The following CASK variants were observed in gnomAD, a reference collection of about 807,000 sequenced individuals.
CASK encodes peripheral plasma membrane protein CASK.
In CASK, 4 loss-of-function variants were observed where a neutral mutation model predicts 82.9. That is an observed-to-expected ratio of 0.05 (90% CI 0.02 to 0.11). The LOEUF is 0.11. CASK is among the 10% of genes least tolerant of loss of function. The pLI is 1.00. For synonymous variants in CASK, 259 were observed against 253.5 expected (o/e 1.02, Z -0.20); for missense variants, 358 against 720.9 (o/e 0.50, Z 5.76).
chrX:41,676,165 T>G (rs949656011), intron 5 of CASK: 1 of 1,145,881 alleles, frequency 8.7e-7, no homozygotes, highest in Admixed American at 2.2e-5. Context: ...TCTCTGCTTG[T>G]GAAGCACTGG....
At chrX:41,888,763 G>GTA (rs2072102142) in intron 1 of CASK, among the ~76,000 whole-genome samples, 2 of 93,154 alleles carry the variant, frequency 2.1e-5, no homozygotes, top group East Asian at 3.0e-4. Flanking sequence ...ATATGTATGT[G>GTA]TATATATGTA....
intron 1 of CASK, among the ~76,000 whole-genome samples, chrX:41,887,043 T>G (rs1361725481): frequency 9.0e-6 from 1 of 110,939 alleles, no homozygotes; most frequent in Non-Finnish European, 1.9e-5. Context: ...TACAAATTTA[T>G]CTGTAAAGAG....
chrX:41,740,445 T>A (rs1210529052), intron 4 of CASK, among the ~76,000 whole-genome samples: 2 of 108,825 alleles, frequency 1.8e-5, no homozygotes, highest in Non-Finnish European at 3.8e-5. Context: ...CAAGTGACCT[T>A]GAACATGTGT....
At chrX:41,631,534 C>A (rs62587034) in intron 9 of CASK, among the ~76,000 whole-genome samples, 46 of 111,122 alleles carry the variant, frequency 4.1e-4, no homozygotes, top group Non-Finnish European at 7.8e-4. Flanking sequence ...AATGGTGCAA[C>A]CTTGGCTCAC....
intron 2 of CASK, among the ~76,000 whole-genome samples, chrX:41,817,417 G>A (rs769892874): frequency 1.7e-4 from 19 of 111,994 alleles, no homozygotes; most frequent in Non-Finnish European, 9.4e-5. Flanking sequence ...GATTGGAAAG[G>A]AAGATGTAAT....
At chrX:41,900,251 G>C (rs1223510726) in intron 1 of CASK, among the ~76,000 whole-genome samples, 1 of 110,533 alleles carries the variant, frequency 9.0e-6, no homozygotes, top group Non-Finnish European at 1.9e-5. Context: ...CTTTAATCTA[G>C]TTGGAGGTTC....
intron 3 of CASK, among the ~76,000 whole-genome samples, chrX:41,773,719 T>C (rs1274145078): frequency 8.9e-6 from 1 of 111,809 alleles, no homozygotes; most frequent in African/African-American, 3.3e-5. Flanking sequence ...GACTACTGAA[T>C]GCTGCAGGCA....
chrX:41,616,027 T>C (rs2066190024), intron 11 of CASK, among the ~76,000 whole-genome samples: 4 of 111,940 alleles, frequency 3.6e-5, no homozygotes, highest in African/African-American at 1.3e-4. Flanking sequence ...AATACTAAGA[T>C]GGTCAGTCTC....
At chrX:41,641,824 C>T (rs780490022) in intron 8 of CASK, among the ~76,000 whole-genome samples, 3 of 109,815 alleles carry the variant, frequency 2.7e-5, no homozygotes, top group Non-Finnish European at 5.7e-5. Flanking sequence ...TATACATGTG[C>T]CATGTTGGTG....
intron 12 of CASK, among the ~76,000 whole-genome samples, chrX:41,605,091 C>T (rs1027417995): frequency 3.6e-5 from 4 of 112,104 alleles, no homozygotes; most frequent in African/African-American, 1.3e-4. Context: ...CATAGATAAT[C>T]TTTAGTTTTT....
At chrX:41,809,022 G>A (rs940405271) in intron 2 of CASK, among the ~76,000 whole-genome samples, 2 of 112,456 alleles carry the variant, frequency 1.8e-5, no homozygotes, top group South Asian at 7.3e-4. Flanking sequence ...CGAACTGCAA[G>A]GCGGCAGCAA....
intron 5 of CASK, among the ~76,000 whole-genome samples, chrX:41,682,268 A>G (rs2067369341): frequency 9.1e-6 from 1 of 110,069 alleles, no homozygotes; most frequent in South Asian, 3.9e-4. Context: ...AAGAAGGTGA[A>G]GGGGTCAGGT....
intron 26 of CASK, among the ~76,000 whole-genome samples, chrX:41,523,581 CT>C (rs1306099784): frequency 8.9e-6 from 1 of 112,708 alleles, no homozygotes; most frequent in African/African-American, 3.2e-5. Flanking sequence ...GTGGCAGTTT[CT>C]GACTTGAGCT....
chrX:41,613,213 T>C (rs1157159722), intron 11 of CASK, among the ~76,000 whole-genome samples: 1 of 111,244 alleles, frequency 9.0e-6, no homozygotes, highest in Non-Finnish European at 1.9e-5. Context: ...GGGAAAAGAT[T>C]GAGAAATCGG....
At chrX:41,576,368 G>A (rs944790932) in intron 15 of CASK, among the ~76,000 whole-genome samples, 14 of 111,010 alleles carry the variant, frequency 1.3e-4, no homozygotes, top group Admixed American at 1.2e-3. Flanking sequence ...AAGACACTCT[G>A]AGGCCTCCTT....
intron 8 of CASK, among the ~76,000 whole-genome samples, chrX:41,650,820 A>T (rs780177147): frequency 9.0e-6 from 1 of 111,538 alleles, no homozygotes; most frequent in Non-Finnish European, 1.9e-5. Flanking sequence ...ATTCTAAAAA[A>T]ATACCTCTTA....
intron 22 of CASK, among the ~76,000 whole-genome samples, chrX:41,538,201 C>T (rs2064902199): frequency 9.0e-6 from 1 of 111,200 alleles, no homozygotes; most frequent in South Asian, 3.8e-4. Flanking sequence ...TTTTTGTTTC[C>T]TTTAGAGTTG....
intron 1 of CASK, among the ~76,000 whole-genome samples, chrX:41,910,480 A>G (rs762212097): frequency 8.9e-6 from 1 of 111,952 alleles, no homozygotes; most frequent in East Asian, 2.8e-4. Context: ...CAACTTACAC[A>G]TATCTTTTTA....
chrX:41,801,226 C>A (rs2069991401), intron 2 of CASK, among the ~76,000 whole-genome samples: 1 of 112,070 alleles, frequency 8.9e-6, no homozygotes, highest in African/African-American at 3.2e-5. Context: ...TGACTAAGAG[C>A]AGCAGGAATA....
Sources: allele counts gnomAD v4.1 joint callset (sites outside exome capture counted in the v4.1 genomes callset), GRCh38; gene constraint gnomAD v4.1.1; transcripts MANE v1.5; gene names NCBI Gene and HGNC (gene_info 2026-07-23, HGNC 2026-07-21).